Variants in CALCR observed in about 807,000 individuals in gnomAD.
CALCR encodes calcitonin receptor.
CALCR carries 47 observed loss-of-function variants against 59.5 expected under a neutral mutation model. The observed-to-expected ratio is 0.79, with a 90% confidence interval of 0.63 to 1.01. The LOEUF is 1.01. Among genes scored for constraint, CALCR ranks in the 50% least tolerant of loss-of-function variants. CALCR has a pLI of 0.00. For missense variants in CALCR, 566 were observed against 597.1 expected (o/e 0.95, Z 0.54); for synonymous variants, 213 against 211.3 (o/e 1.01, Z -0.07).
rs145945266 is a variant in CALCR at position 93,542,621 on chromosome 7, G to A, written c.-27+31668C>T. On this transcript the variant is annotated intron_variant, in intron 2 of 13. Transcript: ENST00000426151. ...TTACTGTAACTTTTAAAATTTATGAGCTTTTAAATCTTTTGAACTTTTTGG... is the reference window on the plus strand; with the variant it reads ...TTACTGTAACTTTTAAAATTTATGAACTTTTAAATCTTTTGAACTTTTTGG... Among the ~76,000 whole-genome samples the A allele has an allele frequency of 2.8e-3, 425 of 152,084 alleles. 1 individual carries two copies. The highest frequency in any genetic ancestry group is 9.4e-3 in the African/African-American group (391 of 41,520).
chr7:93,549,331 T>C (rs569337323), intron 2 of CALCR, among the ~76,000 whole-genome samples: 9 of 152,246 alleles, frequency 5.9e-5, no homozygotes, highest in Admixed American at 5.2e-4. Flanking sequence ...ACTATCTTAG[T>C]TCTAAAGTCT....
chr7:93,460,569 A>AT (rs1800299798), intron 8 of CALCR, among the ~76,000 whole-genome samples: 23 of 86,666 alleles, frequency 2.7e-4, no homozygotes, highest in East Asian at 1.1e-3. Context: ...AAAAAAAAAA[A>AT]AAAATATATA....
intron 7 of CALCR, chr7:93,462,125 A>G (rs767727202): frequency 7.1e-7 from 1 of 1,408,612 alleles, no homozygotes; most frequent in Non-Finnish European, 9.6e-7. Context: ...AATAAAAAGC[A>G]ATTTAAGTAA....
intron 3 of CALCR, among the ~76,000 whole-genome samples, chr7:93,479,876 T>C (rs952148143): frequency 2.0e-5 from 3 of 151,934 alleles, no homozygotes; most frequent in African/African-American, 7.2e-5. Flanking sequence ...AACTTTGCCT[T>C]ACTCTTAAGA....
chr7:93,479,400 G>T lies in CALCR; in HGVS notation c.159C>A (p.Tyr53Ter). 6.2e-7 allele frequency: 1 copy of T among 1,612,448 alleles called. No homozygotes were observed. The highest frequency in any genetic ancestry group is 8.5e-7 in the Non-Finnish European group (1 of 1,179,018). The change falls in exon 4 of 14, where the codon TAC (tyrosine) becomes TAA (stop). Residue 53 changes from tyrosine (Y) to a stop codon, truncating the protein, a stop_gained. Transcript: ENST00000426151. LOFTEE classifies it high-confidence loss of function. Reference protein sequence around the residue: ...VGRKKMMDAQYKCYDRMQQLP... With the variant: ...VGRKKMMDAQ ...ACTGCTGCATTCGGTCATAGCATTT[G>T]TACTGTGCATCCATCATCTTCTTTC... is the stretch of plus-strand genomic sequence containing the variant.
At chr7:93,502,210 A>G (rs1296150244) in intron 2 of CALCR, among the ~76,000 whole-genome samples, 1 of 152,112 alleles carries the variant, frequency 6.6e-6, no homozygotes, top group Non-Finnish European at 1.5e-5. Flanking sequence ...CAATTTATAC[A>G]CATTACATTA....
chr7:93,520,154 T>C (rs890513147), intron 2 of CALCR, among the ~76,000 whole-genome samples: 1 of 151,720 alleles, frequency 6.6e-6, no homozygotes, highest in Non-Finnish European at 1.5e-5. Context: ...GCAGAAATAA[T>C]GGAATATGAA....
At chr7:93,482,026 C>T (rs1034547332) in intron 3 of CALCR, among the ~76,000 whole-genome samples, 2 of 151,740 alleles carry the variant, frequency 1.3e-5, no homozygotes, top group South Asian at 4.1e-4. Flanking sequence ...TGGACCAACA[C>T]TATAAAATAT....
rs1344679091 is a variant in CALCR, at chr7:93,540,747, TTTATATTATA to T, written c.-27+33532_-27+33541del. On this transcript the variant is annotated intron_variant, in intron 2 of 13. Coordinates refer to ENST00000426151, the MANE Select transcript of CALCR (RefSeq NM_001742.4). ...TATATTTATATTATATAATATTATA[TTTATATTATA>T]TAATATTATATTTATATATTATATT... 2.3e-4 allele frequency among the ~76,000 whole-genome samples: 14 copies of T among 60,812 alleles called. No homozygotes were observed. The Middle Eastern group carries it at 0.029, about 125-fold the overall frequency. 39.9% of individuals were successfully genotyped at this position (60,812 alleles called of 152,430 possible).
intron 8 of CALCR, among the ~76,000 whole-genome samples, chr7:93,458,663 C>T (rs995509229): frequency 6.6e-6 from 1 of 152,050 alleles, no homozygotes; most frequent in Non-Finnish European, 1.5e-5. Context: ...ATAGGCTGGC[C>T]GTGTCCTAAG....
intron 2 of CALCR, among the ~76,000 whole-genome samples, chr7:93,506,314 A>G (rs1034098084): frequency 3.3e-5 from 5 of 152,178 alleles, no homozygotes; most frequent in Admixed American, 3.3e-4. Flanking sequence ...GGGGAGGTTC[A>G]TAAGTTTAGG....
chr7:93,554,859 T>C (rs956281484), intron 2 of CALCR, among the ~76,000 whole-genome samples: 3 of 150,726 alleles, frequency 2.0e-5, no homozygotes, highest in African/African-American at 4.9e-5. Flanking sequence ...GCACTAGTCA[T>C]GTGCTGAGAA....
At chr7:93,501,528 G>C (rs372057590) in intron 2 of CALCR, among the ~76,000 whole-genome samples, 1 of 152,020 alleles carries the variant, frequency 6.6e-6, no homozygotes, top group Non-Finnish European at 1.5e-5. Flanking sequence ...TTTGTTTGGG[G>C]ATGCAGATGG....
intron 2 of CALCR, among the ~76,000 whole-genome samples, chr7:93,542,483 T>A (rs1009062936): frequency 6.6e-6 from 1 of 152,196 alleles, no homozygotes; most frequent in Non-Finnish European, 1.5e-5. Context: ...GGTGAGTGAA[T>A]GTGAAGGCCT....
intron 2 of CALCR, among the ~76,000 whole-genome samples, chr7:93,563,977 G>C (rs1264555180): frequency 6.6e-6 from 1 of 152,080 alleles, no homozygotes; most frequent in Non-Finnish European, 1.5e-5. Context: ...AAAATTACTG[G>C]CTCATAGTAA....
intron 2 of CALCR, among the ~76,000 whole-genome samples, chr7:93,515,736 T>C (rs1328340493): frequency 1.3e-5 from 2 of 151,948 alleles, no homozygotes; most frequent in East Asian, 3.9e-4. Context: ...ACATTCAAAT[T>C]TGTAGAATGA....
At chr7:93,506,859 T>G (rs1801435818) in intron 2 of CALCR, among the ~76,000 whole-genome samples, 1 of 152,180 alleles carries the variant, frequency 6.6e-6, no homozygotes, top group African/African-American at 2.4e-5. Flanking sequence ...CAGTGAAAGG[T>G]AACTGAATCA....
intron 2 of CALCR, among the ~76,000 whole-genome samples, chr7:93,528,478 C>G (rs145422253): frequency 0.031 from 4,717 of 152,180 alleles, 107 homozygotes; most frequent in Middle Eastern, 0.058. Flanking sequence ...CATCCTGTGT[C>G]CAAGTGTTCT....
chr7:93,446,333 T>A (rs995394803), intron 8 of CALCR, among the ~76,000 whole-genome samples: 1 of 152,064 alleles, frequency 6.6e-6, no homozygotes, highest in African/African-American at 2.4e-5. Flanking sequence ...CAAAAATAGT[T>A]TAGCACTTAG....
Sources: allele counts gnomAD v4.1 joint callset (sites outside exome capture counted in the v4.1 genomes callset), GRCh38; gene constraint gnomAD v4.1.1; transcripts MANE v1.5; gene names NCBI Gene and HGNC (gene_info 2026-07-23, HGNC 2026-07-21).